Variants in DEPDC5 observed in about 807,000 individuals in gnomAD.
DEPDC5 encodes the protein GATOR1 complex protein DEPDC5.
In DEPDC5, 73 loss-of-function variants were observed where a neutral mutation model predicts 217.3. The ratio of observed to expected loss-of-function variants is 0.34; its 90% confidence interval spans 0.28 to 0.41. The LOEUF is 0.41. Ranked by LOEUF, DEPDC5 falls within the 10% of genes least tolerant of loss-of-function variation. The probability of loss-of-function intolerance (pLI) is 1.00; values close to 1 mark genes in which losing one functional copy is unlikely to be tolerated. For missense variants in DEPDC5, 1,675 were observed against 2,070.1 expected, an observed-to-expected ratio of 0.81 and a Z score of 3.70; for synonymous variants, 733 against 756.7, an observed-to-expected ratio of 0.97 and a Z score of 0.51.
intron 6 of DEPDC5, among the ~76,000 whole-genome samples, chr22:31,767,969 TCTC>T (rs2082970224): frequency 6.6e-6 from 1 of 151,444 alleles, no homozygotes; most frequent in African/African-American, 2.4e-5. Flanking sequence ...ATGGTCTCGA[TCTC>T]CTGACCTCGT....
intron 9 of DEPDC5, 197 bp from the exon 10 acceptor site, chr22:31,784,617 T>G (rs2084792795): frequency 2.3e-6 from 1 of 438,920 alleles, no homozygotes; most frequent in African/African-American, 2.6e-5. Context: ...GAGACTCCCA[T>G]CTCAAAAAAA....
intron 39 of DEPDC5, 43 bp from the exon 40 acceptor site, chr22:31,897,439 A>G (rs754459693): frequency 6.4e-7 from 1 of 1,560,802 alleles, no homozygotes; most frequent in South Asian, 1.2e-5. Flanking sequence ...CTTGTTTGAA[A>G]GAACTTGGAG....
At position 31,876,280 on chromosome 22, in the gene DEPDC5, G is replaced by T. The variant is rs200812216; in HGVS notation, c.3805+15G>T. 1 of 1,608,474 alleles carries T rather than the reference G, an allele frequency of 6.2e-7. No homozygotes were observed. The highest frequency in any genetic ancestry group is 8.5e-7 in the Non-Finnish European group (1 of 1,176,508). ...GCCCGACCGAGGTTAGAGCCGAGGC[G>T]AATGCGGTTGCCCACAGGGGCAAGT... On this transcript the variant is annotated intron_variant, in intron 37 of 42. Transcript: ENST00000651528.
At position 31,845,201 on chromosome 22, in the gene DEPDC5, C is replaced by T. The variant is rs1216769926; in HGVS notation, c.2985C>T (p.Arg995=). 5 of 1,614,156 alleles carry T rather than the reference C, an allele frequency of 3.1e-6. No homozygotes were observed. The highest frequency in any genetic ancestry group is 1.7e-6 in the Non-Finnish European group (2 of 1,180,016). Residue 995 remains arginine, a synonymous_variant, in exon 30 of 43, where the codon CGC becomes CGT. Coordinates refer to ENST00000651528, the MANE Select transcript of DEPDC5 (RefSeq NM_001242896.3). ...TCCGCTTTGTGGAGGGCTTGAATCG[C>T]ATTCGCAGGCGGCATCGCTCGGATC... ...GFVRFVEGLN[R]IRRRHRSDRM... is the part of the protein sequence containing the mutation.
At chr22:31,771,033 T>G (rs1314125492) in intron 7 of DEPDC5, among the ~76,000 whole-genome samples, 2 of 152,120 alleles carry the variant, frequency 1.3e-5, no homozygotes, top group African/African-American at 4.8e-5. Flanking sequence ...TCCCGCCTCC[T>G]CAGCCTCCCA....
rs183034141 is a variant in DEPDC5, at chr22:31,895,632, A to G, written c.4204-1850A>G. ...CAACAGAGAACAGCTGGGAAGTTCA[A>G]AAAGAGTTTACTAAAAGCTAGGAGA... On this transcript the variant is annotated intron_variant, in intron 39 of 42. Coordinates refer to ENST00000651528, the MANE Select transcript of DEPDC5 (RefSeq NM_001242896.3). Among the ~76,000 whole-genome samples, 645 of 152,230 alleles carry G rather than the reference A, an allele frequency of 4.2e-3. 4 individuals are homozygous for G. The highest frequency in any genetic ancestry group is 0.01 in the Middle Eastern group (3 of 294).
chr22:31,777,119 C>A (rs1466341230), intron 7 of DEPDC5, among the ~76,000 whole-genome samples: 2 of 150,992 alleles, frequency 1.3e-5, no homozygotes, highest in Non-Finnish European at 2.9e-5. Flanking sequence ...GCCACCATGC[C>A]CAGCTAATTT....
chr22:31,849,969 T>C (rs1027326193), intron 31 of DEPDC5, among the ~76,000 whole-genome samples: 2 of 151,192 alleles, frequency 1.3e-5, no homozygotes, highest in African/African-American at 4.9e-5. Context: ...AGCCAAACCG[T>C]ATCACTGGGC....
At chr22:31,781,905 C>G (rs2084487015) in intron 8 of DEPDC5, among the ~76,000 whole-genome samples, 2 of 151,982 alleles carry the variant, frequency 1.3e-5, no homozygotes, top group Non-Finnish European at 2.9e-5. Flanking sequence ...GTGGCCCACA[C>G]CTATAATCTC....
At chr22:31,797,759 T>C in intron 13 of DEPDC5, 56 bp downstream of exon 13, 1 of 1,332,586 alleles carries the variant, frequency 7.5e-7, no homozygotes, top group Non-Finnish European at 1.1e-6. Context: ...AGGAGGGGTC[T>C]GGGAGACAGA....
intron 33 of DEPDC5, among the ~76,000 whole-genome samples, chr22:31,864,464 C>T (rs147271369): frequency 1.4e-5 from 2 of 144,624 alleles, no homozygotes; most frequent in Non-Finnish European, 3.0e-5. Context: ...CTGTGTTAGG[C>T]ACATGAATTA....
intron 24 of DEPDC5, among the ~76,000 whole-genome samples, chr22:31,832,484 A>AC (rs1260208070): frequency 7.0e-6 from 1 of 143,128 alleles, no homozygotes; most frequent in Non-Finnish European, 1.5e-5. Flanking sequence ...ATCTTACTGC[A>AC]CTTTTTTTTT....
chr22:31,854,841 T>C (rs2092207324), intron 31 of DEPDC5, among the ~76,000 whole-genome samples: 1 of 152,200 alleles, frequency 6.6e-6, no homozygotes. Flanking sequence ...GCTAAAGAGC[T>C]ACTTTCTTTA....
chr22:31,758,696 A>G (rs1403646814), intron 3 of DEPDC5, 63 bp downstream of exon 3: 2 of 1,465,842 alleles, frequency 1.4e-6, no homozygotes, highest in East Asian at 4.5e-5. Flanking sequence ...TGTCCAAGGC[A>G]GATAGCTCTC....
At position 31,770,088 on chromosome 22, in the gene DEPDC5, G is replaced by C. The variant is rs1335855895; in HGVS notation, c.413+1225G>C. On this transcript the variant is annotated intron_variant, in intron 7 of 42. Coordinates refer to ENST00000651528, the MANE Select transcript of DEPDC5 (RefSeq NM_001242896.3). ...AAAAAAGAGAAAAAAAAAAAAAACAGCCAGGCATGGTGGTGTGCGACTGTA... is the reference window on the plus strand; with the variant it reads ...AAAAAAGAGAAAAAAAAAAAAAACACCCAGGCATGGTGGTGTGCGACTGTA... 2.0e-5 allele frequency among the ~76,000 whole-genome samples: 3 copies of C among 149,110 alleles called. 1 individual carries two copies. The highest frequency in any genetic ancestry group is 2.0e-4 in the Admixed American group (3 of 14,914).
chr22:31,873,243 C>A lies in DEPDC5; in HGVS notation c.3486-12C>A. 1 of 1,613,912 alleles carries A rather than the reference C, an allele frequency of 6.2e-7. No individual in the cohort carries two copies. Among genetic ancestry groups the A allele is most frequent in the Non-Finnish European group, 8.5e-7 (1 of 1,179,906 alleles). ...CCATCTTGCTTTGCTGACCTGACAC[C>A]CTGTGTTACAGCTCTCAGCAGCTGG... On this transcript the variant is annotated splice_polypyrimidine_tract_variant and intron_variant, in intron 34 of 42. Transcript: ENST00000651528.
Position 31,838,695 on chromosome 22 carries a change from G to A in DEPDC5, c.2365G>A (p.Asp789Asn). ...PEADIDRRDE[D>N]GVQMTAQQVF... The stretch of plus-strand genomic sequence containing the variant: ...ATCTGTTGTTTTCAGGAGGGACGAA[G>A]ATGGTGTGCAGATGACAGCCCAGCA... The change falls in exon 27 of 43, where the codon GAT becomes AAT. Residue 789 changes from aspartate to asparagine, a missense_variant. Physicochemically the swap from Asp to Asn is conservative, Grantham distance 23 (BLOSUM62 1). Coordinates refer to ENST00000651528, the MANE Select transcript of DEPDC5 (RefSeq NM_001242896.3). 6.2e-7 allele frequency: 1 copy of A among 1,614,082 alleles called. No homozygotes were observed. Among genetic ancestry groups the A allele is most frequent in the Non-Finnish European group, 8.5e-7 (1 of 1,179,988 alleles).
intron 6 of DEPDC5, among the ~76,000 whole-genome samples, chr22:31,767,322 G>A (rs1330821022): frequency 1.3e-5 from 2 of 151,046 alleles, no homozygotes; most frequent in Admixed American, 6.6e-5. Context: ...TTTTTGAGAC[G>A]GAGTTTCTTG....
rs201618068 is a variant in DEPDC5 at position 31,821,622 on chromosome 22, A to G, written c.1991A>G (p.His664Arg). 6 of 1,613,608 alleles carry G rather than the reference A, an allele frequency of 3.7e-6. No individual in the cohort carries two copies. In the Admixed American group the frequency reaches 5.0e-5, roughly 13 times the overall value. Reference protein sequence around the residue: ...SSAELLELAYHEAAGRHSNSR... With the variant: ...SSAELLELAYREAAGRHSNSR... ...GCAGAGCTGCTGGAGTTAGCATATC[A>G]TGAAGCTGCTGGAAGGTGAGGATGT... Residue 664 changes from histidine (H) to arginine (R), a missense_variant, in exon 23 of 43, where the codon CAT (histidine) becomes CGT (arginine). His to Arg is a conservative substitution (Grantham distance 29, BLOSUM62 0). Coordinates refer to ENST00000651528, the MANE Select transcript of DEPDC5 (RefSeq NM_001242896.3).
Sources: gnomAD v4.1 joint callset for allele counts (sites outside exome capture counted in the v4.1 genomes callset) on GRCh38, gnomAD v4.1.1 for gene constraint, MANE v1.5 for transcripts, NCBI Gene and HGNC (gene_info 2026-07-23, HGNC 2026-07-21) for gene names.